DLG5: variants seen among roughly 807,000 people sequenced by gnomAD.
The protein encoded by DLG5 is disks large homolog 5.
Under a neutral mutation model 189.8 loss-of-function variants are expected in DLG5, and 48 were observed. The ratio of observed to expected loss-of-function variants is 0.25; its 90% confidence interval spans 0.20 to 0.32. The LOEUF is 0.32. Ranked by LOEUF, DLG5 falls within the 10% of genes least tolerant of loss-of-function variation. DLG5 has a pLI of 1.00. For missense variants in DLG5, 2,160 were observed against 2,544.7 expected (o/e 0.85, Z 3.25); for synonymous variants, 1,016 against 1,054.1 (o/e 0.96, Z 0.70).
intron 8 of DLG5, among the ~76,000 whole-genome samples, chr10:77,834,715 C>T (rs190016763): frequency 6.6e-6 from 1 of 152,258 alleles, no homozygotes; most frequent in East Asian, 1.9e-4. Flanking sequence ...CTCTCCACAG[C>T]CTCGAATCTC....
intron 24 of DLG5, 173 bp from the exon 25 acceptor site, chr10:77,808,117 C>T: frequency 1.2e-6 from 1 of 812,878 alleles, no homozygotes; most frequent in South Asian, 1.9e-5. Flanking sequence ...CCCCAGTCTC[C>T]AGGTCCTGTG....
chr10:77,931,246 T>C (rs916888506), upstream of DLG5, among the ~76,000 whole-genome samples: 2 of 151,894 alleles, frequency 1.3e-5, no homozygotes, highest in South Asian at 2.1e-4. Context: ...TGAGCCACTG[T>C]GCCCCGCCCT....
chr10:77,824,689 C>T, intron 13 of DLG5: 1 of 531,110 alleles, frequency 1.9e-6, no homozygotes. Context: ...GCCTTCACAG[C>T]AGGCTAGGGG....
chr10:77,821,874 C>A lies in DLG5; in HGVS notation c.2610G>T (p.Lys870Asn), dbSNP rs771973737. ...PPGGSSSFLH[K>N]PFPGGPLQVC... Reference sequence around the variant, plus strand: ...CCTGCAAGGGTCCCCCAGGGAATGGCTTATGCAGAAAGGAGCTGCTGCCTC... The same window carrying A: ...CCTGCAAGGGTCCCCCAGGGAATGGATTATGCAGAAAGGAGCTGCTGCCTC... Residue 870 changes from lysine to asparagine, a missense_variant, in exon 15 of 32, where the codon AAG becomes AAT. This residue lies in a region of DLG5 where 754 missense variants were observed against 746.5 expected (regional missense o/e 1.01). Transcript: ENST00000372391. The A allele has an allele frequency of 6.2e-7, 1 of 1,614,176 alleles. No homozygotes were observed. Among genetic ancestry groups the A allele is most frequent in the East Asian group, 2.2e-5 (1 of 44,880 alleles).
intron 5 of DLG5, among the ~76,000 whole-genome samples, chr10:77,847,853 C>T (rs1421056226): frequency 2.6e-5 from 4 of 152,176 alleles, no homozygotes; most frequent in African/African-American, 4.8e-5. Flanking sequence ...ACCACAGACA[C>T]GCCCCACCAC....
Position 77,819,942 on chromosome 10 carries a change from G to T in DLG5, c.3479C>A (p.Ser1160Tyr). The T allele has an allele frequency of 6.2e-7, 1 of 1,609,062 alleles. No individual in the cohort carries two copies. The highest frequency in any genetic ancestry group is 8.5e-7 in the Non-Finnish European group (1 of 1,177,832). ...QEWAPYSPGH[S>Y]SRHSNPPLYP... ...TAGCGGGGGGTTGCTGTGCCGGCTG[G>T]AATGCCCAGGCGAGTAAGGTGCCCA... is the stretch of plus-strand genomic sequence containing the variant. The change falls in exon 16 of 32, where the codon TCC becomes TAC. Residue 1160 changes from serine (S) to tyrosine (Y), a missense_variant. Ser to Tyr is a moderately radical substitution (Grantham distance 144, BLOSUM62 -2). Around this residue, in one of 5 missense-constraint regions of DLG5, gnomAD observed 754 missense variants for 746.5 expected, o/e 1.01. Transcript: ENST00000372391.
intron 30 of DLG5, among the ~76,000 whole-genome samples, chr10:77,794,377 C>A (rs565187633): frequency 6.6e-6 from 1 of 152,256 alleles, no homozygotes; most frequent in Non-Finnish European, 1.5e-5. Flanking sequence ...AGAAGCTCAG[C>A]AGCACAGAAA....
intron 2 of DLG5, among the ~76,000 whole-genome samples, chr10:77,862,550 T>C (rs1844512959): frequency 6.6e-6 from 1 of 152,228 alleles, no homozygotes; most frequent in African/African-American, 2.4e-5. Context: ...AGTTTGACAG[T>C]TTCTTATAAA....
chr10:77,869,254 C>G, intron 1 of DLG5, 57 bp from the exon 2 acceptor site: 1 of 1,527,840 alleles, frequency 6.5e-7, no homozygotes, highest in Non-Finnish European at 9.1e-7. Flanking sequence ...GTCTTCACCC[C>G]AAGCCAGCTG....
chr10:77,807,972 G>C, intron 24 of DLG5, 28 bp from the exon 25 acceptor site: 1 of 1,612,762 alleles, frequency 6.2e-7, no homozygotes, highest in Non-Finnish European at 8.5e-7. Context: ...GGATGCATCA[G>C]AAGGCAGAAG....
chr10:77,922,959 C>T (rs1037996132), intron 1 of DLG5, among the ~76,000 whole-genome samples: 5 of 152,238 alleles, frequency 3.3e-5, no homozygotes, highest in Admixed American at 3.3e-4. Flanking sequence ...AGGCACATGT[C>T]CTCCCCAGTT....
chr10:77,813,821 G>A (rs2395502), intron 20 of DLG5, among the ~76,000 whole-genome samples: 4,918 of 152,298 alleles, frequency 0.032, 274 homozygotes, highest in African/African-American at 0.11. Context: ...GACACACCAC[G>A]GGGTGGGGAG....
At chr10:77,801,643 G>A (rs554486401) in intron 27 of DLG5, among the ~76,000 whole-genome samples, 6 of 152,302 alleles carry the variant, frequency 3.9e-5, no homozygotes, top group East Asian at 1.9e-4. Flanking sequence ...GGGGAAGCAC[G>A]GTGTGGTAAG....
chr10:77,858,279 T>A (rs1309036085), intron 2 of DLG5, among the ~76,000 whole-genome samples: 1 of 151,700 alleles, frequency 6.6e-6, no homozygotes, highest in South Asian at 2.1e-4. Flanking sequence ...AAGATTATAA[T>A]AGAGTTAGAA....
chr10:77,849,907 T>C (rs962663577), intron 5 of DLG5, among the ~76,000 whole-genome samples: 2 of 152,238 alleles, frequency 1.3e-5, no homozygotes, highest in African/African-American at 4.8e-5. Flanking sequence ...ATAGTCTATG[T>C]TGCCCAGGCT....
the DLG5 span, among the ~76,000 whole-genome samples, chr10:77,939,605 A>G: frequency 3.5e-4 from 53 of 152,336 alleles, no homozygotes; most frequent in African/African-American, 1.3e-3. Context: ...AAGTGATGAA[A>G]TCAACCACCT....
At chr10:77,935,625 G>A in the DLG5 span, among the ~76,000 whole-genome samples, 1 of 152,228 alleles carries the variant, frequency 6.6e-6, no homozygotes, top group Non-Finnish European at 1.5e-5. Flanking sequence ...GCCAACAAGA[G>A]CATGTGTACA....
intron 29 of DLG5, among the ~76,000 whole-genome samples, 184 bp from the exon 30 acceptor site, chr10:77,795,142 G>A (rs1278322670): frequency 6.6e-6 from 1 of 152,202 alleles, no homozygotes; most frequent in Non-Finnish European, 1.5e-5. Flanking sequence ...CTTGCTGTGA[G>A]GAAGGCCAAG....
Position 77,830,414 on chromosome 10 carries a change from G to A in DLG5, c.1882-70C>T, listed in dbSNP as rs1456899421. ...CAGAGACATTTGGCTCTTAAGCCCC[G>A]AAGCTGCCCACTCCAATGTGGGGGA... On this transcript the variant is annotated intron_variant, in intron 10 of 31. Transcript: ENST00000372391. 3.1e-5 allele frequency: 50 copies of A among 1,602,320 alleles called. 1 individual carries two copies. The highest frequency in any genetic ancestry group is 2.7e-4 in the South Asian group (24 of 89,214).
Sources: gnomAD v4.1 joint callset for allele counts (sites outside exome capture counted in the v4.1 genomes callset) on GRCh38, gnomAD v4.1.1 for gene constraint, gnomAD v4.1.1 regional missense constraint, MANE v1.5 for transcripts, NCBI Gene and HGNC (gene_info 2026-07-23, HGNC 2026-07-21) for gene names.